The following LY9 variants were observed in gnomAD, a reference collection of about 807,000 sequenced individuals.
LY9 encodes T-lymphocyte surface antigen Ly-9.
In LY9, 59 loss-of-function variants were observed where a neutral mutation model predicts 64.6. The observed-to-expected ratio is 0.91, with a 90% CI of 0.74 to 1.13. The LOEUF is 1.13. LY9 is among the 50% of genes most tolerant of loss of function. The probability of loss-of-function intolerance (pLI) is 0.00; values close to 1 mark genes in which losing one functional copy is unlikely to be tolerated. For synonymous variants in LY9, 281 were observed against 308.5 expected, an observed-to-expected ratio of 0.91 and a Z score of 0.93; for missense variants, 789 against 797.2, an observed-to-expected ratio of 0.99 and a Z score of 0.12.
chr1:160,802,515 C>G (rs754715415), intron 2 of LY9: 19 of 985,672 alleles, frequency 1.9e-5, no homozygotes, highest in Non-Finnish European at 2.3e-5. Flanking sequence ...GCGCCAGGCA[C>G]CAACTCAGTG....
At position 160,814,015 on chromosome 1, in the gene LY9, G is replaced by A. The variant is rs140616222; in HGVS notation, c.730+104G>A. ...GGTCAGACACACAGGGGGTGGGGAAGCAAGAGGACAGGCCCCAAAACCCCT... is the reference window on the plus strand; with the variant it reads ...GGTCAGACACACAGGGGGTGGGGAAACAAGAGGACAGGCCCCAAAACCCCT... On this transcript the variant is annotated intron_variant, in intron 3 of 9. Coordinates refer to ENST00000263285, the MANE Select transcript of LY9 (RefSeq NM_002348.4). 250 of 1,264,608 alleles carry A rather than the reference G, an allele frequency of 2.0e-4. 1 individual carries two copies. In the African/African-American group the frequency reaches 3.3e-3, roughly 17 times the overall value. The allele number at this position is 1,264,608 out of a possible 1,614,324, so 78.3% of individuals were successfully genotyped here.
rs1177842481 is a variant in LY9, at chr1:160,818,205, T to G, written c.1343-13T>G. 1.3e-6 allele frequency: 2 copies of G among 1,571,094 alleles called. No homozygotes were observed. Among genetic ancestry groups the G allele is most frequent in the Non-Finnish European group, 1.8e-6 (2 of 1,141,724 alleles). On this transcript the variant is annotated splice_polypyrimidine_tract_variant and intron_variant, in intron 5 of 9. Coordinates refer to ENST00000263285, the MANE Select transcript of LY9 (RefSeq NM_002348.4). ...CATTATTTGAATTAACATCACTCAT[T>G]TCCTCCTCAAAGGACCTGAGAGAAA...
At chr1:160,800,731 C>T (rs1410092764) in intron 2 of LY9, among the ~76,000 whole-genome samples, 2 of 152,116 alleles carry the variant, frequency 1.3e-5, no homozygotes, top group East Asian at 1.9e-4. Context: ...CTCCGCTATC[C>T]ATTATTCCTA....
At chr1:160,812,119 T>G (rs556972942) in intron 2 of LY9, 1 of 152,328 alleles carries the variant, frequency 6.6e-6, no homozygotes, top group African/African-American at 2.4e-5. Flanking sequence ...TGGAGGCCAA[T>G]GAAGGTATCA....
intron 2 of LY9, chr1:160,809,839 A>C (rs2101781178): frequency 6.6e-6 from 1 of 152,198 alleles, no homozygotes; most frequent in Non-Finnish European, 1.5e-5. Flanking sequence ...GCTTAAATTT[A>C]TATTTTTCTT....
At chr1:160,801,146 G>C (rs576379697) in intron 2 of LY9, among the ~76,000 whole-genome samples, 25 of 152,158 alleles carry the variant, frequency 1.6e-4, no homozygotes, top group Non-Finnish European at 2.2e-4. Flanking sequence ...TCTTCATATT[G>C]TTTTGCATAG....
Position 160,827,733 on chromosome 1 carries a change from A to AT in LY9, c.1900-10dup. The stretch of plus-strand genomic sequence containing the variant: ...CTTTATTAACCATATTCTTTTGTGG[A>AT]TTTTTGGCTCACAGGTGGTGCCACC... On this transcript the variant is annotated splice_polypyrimidine_tract_variant and intron_variant, in intron 9 of 9. Coordinates refer to ENST00000263285, the MANE Select transcript of LY9 (RefSeq NM_002348.4). 2 of 1,597,480 alleles carry AT rather than the reference A, an allele frequency of 1.3e-6. No homozygotes were observed. The highest frequency in any genetic ancestry group is 2.3e-5 in the East Asian group (1 of 44,078).
chr1:160,816,442 C>A, intron 4 of LY9, 152 bp from the exon 5 acceptor site: 1 of 762,236 alleles, frequency 1.3e-6, no homozygotes, highest in Non-Finnish European at 2.1e-6. Flanking sequence ...GAGGAAAATG[C>A]CAGGTATACT....
chr1:160,802,585 A>G, intron 2 of LY9: 1 of 985,578 alleles, frequency 1.0e-6, no homozygotes, highest in Non-Finnish European at 1.2e-6. Flanking sequence ...TTTTAAATTT[A>G]CTGTAGCTGC....
chr1:160,796,507 C>T (rs1259754496), intron 1 of LY9, among the ~76,000 whole-genome samples, 196 bp downstream of exon 1: 1 of 152,136 alleles, frequency 6.6e-6, no homozygotes, highest in Non-Finnish European at 1.5e-5. Context: ...ATTCTCCTAC[C>T]TCAGCCTCTT....
At chr1:160,820,517 C>T (rs1668332862) in intron 7 of LY9, among the ~76,000 whole-genome samples, 3 of 152,174 alleles carry the variant, frequency 2.0e-5, no homozygotes, top group Non-Finnish European at 4.4e-5. Context: ...GAGCATGTGA[C>T]GATATGGGCT....
At chr1:160,810,109 C>T (rs563456847) in intron 2 of LY9, 1 of 152,420 alleles carries the variant, frequency 6.6e-6, no homozygotes, top group African/African-American at 2.4e-5. Flanking sequence ...GAACTCCTGG[C>T]CTCAAGCAAT....
At chr1:160,826,989 C>T (rs1668887446) in intron 9 of LY9, among the ~76,000 whole-genome samples, 1 of 152,210 alleles carries the variant, frequency 6.6e-6, no homozygotes, top group Non-Finnish European at 1.5e-5. Flanking sequence ...ACCCTGGAGA[C>T]TGAGACCCCT....
chr1:160,818,338 T>G lies in LY9; in HGVS notation c.1444+19T>G, dbSNP rs774738030. The G allele has an allele frequency of 6.3e-7, 1 of 1,594,862 alleles. No individual in the cohort carries two copies. Among genetic ancestry groups the G allele is most frequent in the South Asian group, 1.1e-5 (1 of 90,660 alleles). On this transcript the variant is annotated intron_variant, in intron 6 of 9. Coordinates refer to ENST00000263285, the MANE Select transcript of LY9 (RefSeq NM_002348.4). ...GGACGGTGTGAGTTTCCGAGATCAA[T>G]GTTGTCCGCCAGTGCTAGGCCATTT...
chr1:160,813,909 C>G lies in LY9; in HGVS notation c.728C>G (p.Thr243Arg). ...SLPVHVGQFCTDPGASRGGTT... is the reference protein window; with the variant it reads ...SLPVHVGQFCRDPGASRGGTT... Reference sequence around the variant, plus strand: ...CCTGTCCATGTTGGGCAGTTCTGTACAGGTAACTGGCTCCAACTTGGCCCT... The same window carrying G: ...CCTGTCCATGTTGGGCAGTTCTGTAGAGGTAACTGGCTCCAACTTGGCCCT... Residue 243 changes from threonine (T) to arginine (R), a missense_variant and splice_region_variant, in exon 3 of 10, where the codon ACA (threonine) becomes AGA (arginine). Physicochemically the swap from Thr to Arg is moderately conservative, Grantham distance 71. Coordinates refer to ENST00000263285, the MANE Select transcript of LY9 (RefSeq NM_002348.4). 1.2e-6 allele frequency: 2 copies of G among 1,611,476 alleles called. No individual in the cohort carries two copies. The highest frequency in any genetic ancestry group is 1.7e-6 in the Non-Finnish European group (2 of 1,178,742).
At position 160,799,798 on chromosome 1, in the gene LY9, G is replaced by C; in HGVS notation, c.170G>C (p.Gly57Ala). The C allele has an allele frequency of 6.2e-7, 1 of 1,613,822 alleles. No individual in the cohort carries two copies. The highest frequency in any genetic ancestry group is 8.5e-7 in the Non-Finnish European group (1 of 1,179,856). Residue 57 changes from glycine (G) to alanine (A), a missense_variant, in exon 2 of 10, where the codon GGG becomes GCG. By Grantham distance (60) the Gly-to-Ala change is moderately conservative (BLOSUM62 0). Coordinates refer to ENST00000263285, the MANE Select transcript of LY9 (RefSeq NM_002348.4). ...GKDSAPTVVS[G>A]ILGGSVTLPL... ...GACTCAGCCCCAACAGTGGTGTCAGGGATCCTAGGGGGTTCCGTGACTCTC... is the reference window on the plus strand; with the variant it reads ...GACTCAGCCCCAACAGTGGTGTCAGCGATCCTAGGGGGTTCCGTGACTCTC...
rs760825626 is a variant in LY9, at chr1:160,801,906, C to A, written c.454+1824C>A. 6 of 1,613,274 alleles carry A rather than the reference C, an allele frequency of 3.7e-6. 1 individual carries two copies. Among genetic ancestry groups the A allele is most frequent in the South Asian group, 3.3e-5 (3 of 91,050 alleles). On this transcript the variant is annotated intron_variant, in intron 2 of 9. Transcript: ENST00000263285. ...CCTGGCTGAGCCACGTGTGAGCGTG[C>A]GGGAGGGCTAGGCCCTCGCCCCCAC... is the stretch of plus-strand genomic sequence containing the variant.
chr1:160,820,847 T>G (rs1291569746), intron 7 of LY9, among the ~76,000 whole-genome samples: 1 of 151,660 alleles, frequency 6.6e-6, no homozygotes, highest in Non-Finnish European at 1.5e-5. Context: ...GAATAGTTTT[T>G]TTTTTTTTTT....
At chr1:160,822,473 A>T (rs551882) in intron 7 of LY9, among the ~76,000 whole-genome samples, 1 of 152,098 alleles carries the variant, frequency 6.6e-6, no homozygotes, top group Non-Finnish European at 1.5e-5. Flanking sequence ...AGGGAAGGGA[A>T]GATGGAGCCG....
Sources: allele counts gnomAD v4.1 joint callset (sites outside exome capture counted in the v4.1 genomes callset), GRCh38; gene constraint gnomAD v4.1.1; transcripts MANE v1.5; gene names NCBI Gene and HGNC (gene_info 2026-07-23, HGNC 2026-07-21).